TTC39B: variants seen among roughly 807,000 people sequenced by gnomAD.
TTC39B encodes tetratricopeptide repeat domain 39B.
Under a neutral mutation model 96.6 loss-of-function variants are expected in TTC39B, and 92 were observed. That is an observed-to-expected ratio of 0.95 (90% CI 0.80 to 1.13). The LOEUF is 1.13. Ranked by LOEUF, TTC39B falls within the 50% of genes most tolerant of loss-of-function variation. TTC39B has a pLI of 0.00. For synonymous variants in TTC39B, 367 were observed against 299.4 expected (o/e 1.23, Z -2.33); for missense variants, 955 against 809.3 (o/e 1.18, Z -2.18).
Position 15,278,939 on chromosome 9 carries a change from C to CT in TTC39B, c.241-10992dup, listed in dbSNP as rs548875315. Among the ~76,000 whole-genome samples, 982 of 152,266 alleles carry CT rather than the reference C, an allele frequency of 6.4e-3. 7 individuals carry two copies. The highest frequency in any genetic ancestry group is 0.023 in the African/African-American group (946 of 41,544). ...AACTCATTTAATCTTCATAGTGACC[C>CT]TAACAGATAGGACTATCATAATGTC... On this transcript the variant is annotated intron_variant, in intron 1 of 19. Coordinates refer to ENST00000512701, the Ensembl canonical transcript of TTC39B.
chr9:15,188,159 C>T (rs370546215), intron 13 of TTC39B, 27 bp from the exon 14 acceptor site: 123 of 1,552,916 alleles, frequency 7.9e-5, no homozygotes, highest in Non-Finnish European at 1.1e-4. Context: ...CAAAGTTGAT[C>T]GTCCAGATAT....
At chr9:15,254,666 A>G (rs1202351594) in intron 2 of TTC39B, among the ~76,000 whole-genome samples, 1 of 152,114 alleles carries the variant, frequency 6.6e-6, no homozygotes, top group Non-Finnish European at 1.5e-5. Flanking sequence ...TACACTTTTT[A>G]AATACCAATC....
chr9:15,283,433 C>A (rs1351244815), intron 1 of TTC39B, among the ~76,000 whole-genome samples: 4 of 152,230 alleles, frequency 2.6e-5, no homozygotes, highest in Non-Finnish European at 5.9e-5. Context: ...CTTGACATTT[C>A]TGTAAAACAG....
At chr9:15,170,193 T>TG (rs138383065) in exon 20 of TTC39B, 1 of 151,230 alleles carries the variant, frequency 6.6e-6, no homozygotes, top group Non-Finnish European at 1.5e-5. Context: ...CATTGATATC[T>TG]ATCTTTCATT....
At chr9:15,276,825 G>A (rs76315812) in intron 1 of TTC39B, among the ~76,000 whole-genome samples, 3,959 of 152,206 alleles carry the variant, frequency 0.026, 177 homozygotes, top group African/African-American at 0.09. Flanking sequence ...GTAAGGATGT[G>A]AGATAACTCA....
exon 4 of TTC39B, chr9:15,214,239 T>C (rs10961917): frequency 1.2e-6 from 2 of 1,613,510 alleles, no homozygotes; most frequent in South Asian, 1.1e-5. Context: ...TCCACCTTGG[T>C]TGATGATGAA....
At chr9:15,301,630 C>T (rs1824593368) in intron 1 of TTC39B, among the ~76,000 whole-genome samples, 2 of 151,996 alleles carry the variant, frequency 1.3e-5, no homozygotes, top group African/African-American at 4.8e-5. Context: ...GTGGTGCATG[C>T]CTGTAACCCC....
chr9:15,285,207 T>A (rs1823919173), intron 1 of TTC39B, among the ~76,000 whole-genome samples: 1 of 150,910 alleles, frequency 6.6e-6, no homozygotes, highest in Admixed American at 6.6e-5. Flanking sequence ...AGGCGGAGTT[T>A]GCAGTGAGCC....
intron 13 of TTC39B, 96 bp downstream of exon 13, chr9:15,189,478 C>A: frequency 7.4e-7 from 1 of 1,343,044 alleles, no homozygotes. Context: ...GTCCATATAG[C>A]CAAGTTTACT....
intron 6 of TTC39B, among the ~76,000 whole-genome samples, chr9:15,204,800 G>A (rs1819751983): frequency 1.3e-5 from 2 of 152,154 alleles, no homozygotes; most frequent in South Asian, 4.1e-4. Context: ...TCATGTAGAT[G>A]TCTAGCACAA....
At chr9:15,190,504 T>C in intron 11 of TTC39B, 50 bp downstream of exon 11, 1 of 1,545,872 alleles carries the variant, frequency 6.5e-7, no homozygotes, top group Non-Finnish European at 8.9e-7. Context: ...ACACACCATG[T>C]CTGGCCAAGA....
intron 2 of TTC39B, among the ~76,000 whole-genome samples, chr9:15,247,541 C>T (rs982451474): frequency 2.6e-5 from 4 of 152,132 alleles, no homozygotes; most frequent in African/African-American, 9.7e-5. Flanking sequence ...TGGTGAACAG[C>T]ATTCTGGACC....
intron 3 of TTC39B, among the ~76,000 whole-genome samples, chr9:15,225,288 A>T (rs1821061758): frequency 6.6e-6 from 1 of 152,186 alleles, no homozygotes; most frequent in African/African-American, 2.4e-5. Flanking sequence ...TCTATATTTG[A>T]GGAGAAAAAG....
At chr9:15,201,128 A>C (rs1819514200) in intron 7 of TTC39B, among the ~76,000 whole-genome samples, 1 of 152,084 alleles carries the variant, frequency 6.6e-6, no homozygotes, top group African/African-American at 2.4e-5. Flanking sequence ...TAAATATTTA[A>C]TGTTCTAATT....
At chr9:15,220,150 T>C (rs1820765388) in intron 3 of TTC39B, among the ~76,000 whole-genome samples, 1 of 152,190 alleles carries the variant, frequency 6.6e-6, no homozygotes, top group Non-Finnish European at 1.5e-5. Context: ...TACTAATTTG[T>C]GTGGAAGTAT....
intron 2 of TTC39B, among the ~76,000 whole-genome samples, chr9:15,246,393 T>C (rs925539978): frequency 7.5e-4 from 114 of 151,772 alleles, no homozygotes; most frequent in Non-Finnish European, 1.4e-3. Context: ...ACTCTTGGGG[T>C]TTTAGTTGAG....
At chr9:15,213,384 A>G (rs568580170) in intron 4 of TTC39B, among the ~76,000 whole-genome samples, 1 of 152,374 alleles carries the variant, frequency 6.6e-6, no homozygotes, top group Admixed American at 6.5e-5. Context: ...TAGCTGACCC[A>G]TCTTGATTAC....
intron 2 of TTC39B, among the ~76,000 whole-genome samples, chr9:15,244,822 G>C (rs1009136085): frequency 2.2e-5 from 3 of 137,606 alleles, no homozygotes; most frequent in Admixed American, 7.4e-5. Flanking sequence ...ACACTGAATG[G>C]GGGGGACATT....
At chr9:15,294,410 T>C (rs1213378449) in intron 1 of TTC39B, among the ~76,000 whole-genome samples, 1 of 152,340 alleles carries the variant, frequency 6.6e-6, no homozygotes, top group South Asian at 2.1e-4. Context: ...CTGAAAACCC[T>C]GTAAGAACTT....
Sources: gnomAD v4.1 joint callset for allele counts (sites outside exome capture counted in the v4.1 genomes callset) on GRCh38, gnomAD v4.1.1 for gene constraint, MANE v1.5 for transcripts, NCBI Gene and HGNC (gene_info 2026-07-23, HGNC 2026-07-21) for gene names.